Variants in LRRC4C observed in about 807,000 individuals in gnomAD.
LRRC4C encodes leucine-rich repeat-containing protein 4C.
LRRC4C carries 5 observed loss-of-function variants against 33.6 expected under a neutral mutation model. The observed-to-expected ratio is 0.15, with a 90% CI of 0.08 to 0.31. The LOEUF (loss-of-function observed/expected upper bound fraction) is 0.31, where lower values mean the gene tolerates loss of function less well. Ranked by LOEUF, LRRC4C falls within the 10% of genes least tolerant of loss-of-function variation. LRRC4C has a pLI of 1.00. For missense variants in LRRC4C, 560 were observed against 796.7 expected (o/e 0.70, Z 3.58); for synonymous variants, 329 against 302.0 (o/e 1.09, Z -0.93).
At chr11:40,822,686 C>A (rs1951987757) in intron 2 of LRRC4C, among the ~76,000 whole-genome samples, 1 of 151,574 alleles carries the variant, frequency 6.6e-6, no homozygotes, top group South Asian at 2.1e-4. Flanking sequence ...TTAATAGAAT[C>A]CCATTTGTCT....
intron 2 of LRRC4C, among the ~76,000 whole-genome samples, chr11:40,920,285 A>C (rs2136351465): frequency 6.6e-6 from 1 of 152,280 alleles, no homozygotes. Flanking sequence ...ACTCCACTTC[A>C]GTCAAGTTTA....
At chr11:40,708,617 A>T (rs1946297104) in intron 2 of LRRC4C, among the ~76,000 whole-genome samples, 1 of 152,168 alleles carries the variant, frequency 6.6e-6, no homozygotes, top group South Asian at 2.1e-4. Context: ...TTTGCTGATG[A>T]GTGCTTTACT....
intron 2 of LRRC4C, among the ~76,000 whole-genome samples, chr11:40,925,778 A>C (rs1005052667): frequency 6.6e-6 from 1 of 152,146 alleles, no homozygotes; most frequent in Non-Finnish European, 1.5e-5. Context: ...TAAATTGGAG[A>C]TTATTTCACA....
intron 2 of LRRC4C, among the ~76,000 whole-genome samples, chr11:40,824,333 A>C (rs1472375603): frequency 6.6e-6 from 1 of 152,008 alleles, no homozygotes; most frequent in Admixed American, 6.6e-5. Flanking sequence ...ATATTAGGAT[A>C]AAATTCAAAA....
rs532554616 is a variant in LRRC4C, at chr11:40,555,215, T to C, written c.-270+92927A>G. ...AGGAAAGAGAGATAATTTTCCTTCC[T>C]TTTTCTATTTCACTGCCCTGTGTTA... On this transcript the variant is annotated intron_variant, in intron 3 of 6. Coordinates refer to ENST00000528697, the MANE Select transcript of LRRC4C (RefSeq NM_001258419.2). Among the ~76,000 whole-genome samples, 9 of 152,294 alleles carry C rather than the reference T, an allele frequency of 5.9e-5. No homozygotes were observed. The South Asian group carries it at 1.9e-3, about 32-fold the overall frequency.
At chr11:41,425,828 G>A (rs916302810) in intron 1 of LRRC4C, among the ~76,000 whole-genome samples, 1 of 152,054 alleles carries the variant, frequency 6.6e-6, no homozygotes, top group Admixed American at 6.6e-5. Context: ...AGAAAGAATG[G>A]CAACTGGGTT....
intron 2 of LRRC4C, among the ~76,000 whole-genome samples, chr11:40,736,942 T>A (rs921731588): frequency 6.6e-6 from 1 of 151,694 alleles, no homozygotes; most frequent in Non-Finnish European, 1.5e-5. Flanking sequence ...TATTAGATGA[T>A]AGGTTTCCTG....
chr11:40,379,719 A>T (rs543308303), intron 3 of LRRC4C, among the ~76,000 whole-genome samples: 10 of 152,358 alleles, frequency 6.6e-5, no homozygotes, highest in African/African-American at 2.4e-4. Context: ...ACAATTAATT[A>T]CAACAACTTG....
intron 3 of LRRC4C, among the ~76,000 whole-genome samples, chr11:40,473,073 A>T (rs1029595620): frequency 1.3e-5 from 2 of 152,200 alleles, no homozygotes; most frequent in Non-Finnish European, 2.9e-5. Flanking sequence ...CCAAACAAAG[A>T]AAAACAGGGG....
At chr11:40,804,236 G>C (rs949404162) in intron 2 of LRRC4C, among the ~76,000 whole-genome samples, 6 of 151,954 alleles carry the variant, frequency 3.9e-5, no homozygotes, top group African/African-American at 1.5e-4. Flanking sequence ...TCTTCTCATA[G>C]GCTCCATTTG....
chr11:40,695,052 T>C (rs1222362302), intron 2 of LRRC4C, among the ~76,000 whole-genome samples: 4 of 152,164 alleles, frequency 2.6e-5, no homozygotes, highest in Non-Finnish European at 4.4e-5. Flanking sequence ...CTACAGAGTA[T>C]ACAATAAAAC....
At chr11:40,977,956 G>A (rs1453017430) in intron 1 of LRRC4C, among the ~76,000 whole-genome samples, 1 of 152,132 alleles carries the variant, frequency 6.6e-6, no homozygotes, top group Non-Finnish European at 1.5e-5. Flanking sequence ...AGACATAAAA[G>A]GCAAACATTG....
chr11:41,193,495 A>G (rs1048566227), intron 1 of LRRC4C, among the ~76,000 whole-genome samples: 4 of 152,142 alleles, frequency 2.6e-5, no homozygotes, highest in Non-Finnish European at 5.9e-5. Flanking sequence ...AAAGCCATGA[A>G]ACCCATCAAG....
Position 40,814,218 on chromosome 11 carries a change from T to G in LRRC4C, c.-407+119417A>C, listed in dbSNP as rs149068249. Reference sequence around the variant, plus strand: ...AACATTCAGGCATTTCCATACATCTTCTGAAATCTAGGTGGAGGTTCCCAA... The same window carrying G: ...AACATTCAGGCATTTCCATACATCTGCTGAAATCTAGGTGGAGGTTCCCAA... On this transcript the variant is annotated intron_variant, in intron 2 of 6. Coordinates refer to ENST00000528697, the MANE Select transcript of LRRC4C (RefSeq NM_001258419.2). Among the ~76,000 whole-genome samples, 1,516 of 152,266 alleles carry G rather than the reference T, an allele frequency of 1.0e-2. 24 individuals are homozygous for G. Among genetic ancestry groups the G allele is most frequent in the African/African-American group, 0.033 (1,383 of 41,564 alleles).
intron 2 of LRRC4C, among the ~76,000 whole-genome samples, chr11:40,869,290 A>T (rs184627148): frequency 1.3e-5 from 2 of 152,126 alleles, no homozygotes; most frequent in Non-Finnish European, 2.9e-5. Flanking sequence ...CAGCTCTAGT[A>T]TTATTATTGA....
intron 3 of LRRC4C, among the ~76,000 whole-genome samples, chr11:40,399,307 G>C (rs1395773944): frequency 6.6e-6 from 1 of 152,178 alleles, no homozygotes; most frequent in African/African-American, 2.4e-5. Flanking sequence ...TGATAGACTG[G>C]ATTAAGAAAA....
intron 2 of LRRC4C, among the ~76,000 whole-genome samples, chr11:40,740,120 G>T (rs755681013): frequency 1.3e-5 from 2 of 152,056 alleles, no homozygotes; most frequent in Non-Finnish European, 2.9e-5. Flanking sequence ...ATGATGCAAT[G>T]AACATGGTGC....
chr11:40,476,267 C>T (rs1953215600), intron 3 of LRRC4C, among the ~76,000 whole-genome samples: 1 of 151,280 alleles, frequency 6.6e-6, no homozygotes, highest in Admixed American at 6.6e-5. Context: ...TGAGGTTCTG[C>T]TACTTTTAAC....
At chr11:40,334,793 C>T (rs1461749167) in intron 3 of LRRC4C, among the ~76,000 whole-genome samples, 2 of 152,098 alleles carry the variant, frequency 1.3e-5, no homozygotes, top group East Asian at 3.9e-4. Flanking sequence ...TTTTCTCTCC[C>T]TTTTATCTTT....
Sources: gnomAD v4.1 joint callset for allele counts (sites outside exome capture counted in the v4.1 genomes callset) on GRCh38, gnomAD v4.1.1 for gene constraint, MANE v1.5 for transcripts, NCBI Gene and HGNC (gene_info 2026-07-23, HGNC 2026-07-21) for gene names.